BCKDHB: variants seen among roughly 807,000 people sequenced by gnomAD.
BCKDHB encodes the protein branched chain keto acid dehydrogenase E1 subunit beta.
Under a neutral mutation model 48.5 loss-of-function variants are expected in BCKDHB, and 41 were observed. The observed-to-expected ratio is 0.85, with a 90% CI of 0.66 to 1.10. BCKDHB has a LOEUF of 1.10. Among genes scored for constraint, BCKDHB ranks in the 50% least tolerant of loss-of-function variants. The pLI, the probability that BCKDHB is intolerant of heterozygous loss-of-function variation, is 0.00. For missense variants in BCKDHB, 496 were observed against 494.2 expected (o/e 1.00, Z -0.03); for synonymous variants, 201 against 174.8 (o/e 1.15, Z -1.18).
At chr6:80,160,396 G>A (rs896635065) in intron 3 of BCKDHB, among the ~76,000 whole-genome samples, 2 of 152,132 alleles carry the variant, frequency 1.3e-5, no homozygotes, top group African/African-American at 4.8e-5. Flanking sequence ...GGCCTCAAGT[G>A]ATCCGCCCAC....
the BCKDHB span, among the ~76,000 whole-genome samples, chr6:80,390,013 A>G: frequency 6.6e-6 from 1 of 152,134 alleles, no homozygotes; most frequent in East Asian, 1.9e-4. Context: ...AGACACAACA[A>G]TCCCATTAAA....
chr6:80,199,266 G>T (rs1314077421), intron 6 of BCKDHB, among the ~76,000 whole-genome samples: 1 of 152,096 alleles, frequency 6.6e-6, no homozygotes, highest in South Asian at 2.1e-4. Context: ...AGTGAGAGCC[G>T]TCCACAGCAG....
chr6:80,460,293 A>G, the BCKDHB span, among the ~76,000 whole-genome samples: 1 of 152,194 alleles, frequency 6.6e-6, no homozygotes, highest in African/African-American at 2.4e-5. Context: ...ATTGTCCATG[A>G]TATCCTTTAG....
intron 9 of BCKDHB, among the ~76,000 whole-genome samples, chr6:80,292,910 C>T (rs942573265): frequency 1.3e-4 from 20 of 152,302 alleles, no homozygotes; most frequent in Admixed American, 3.3e-4. Context: ...TCTTAAAGCT[C>T]CAAAATGATC....
chr6:80,343,858 C>T lies in BCKDHB; in HGVS notation c.*54C>T, dbSNP rs553995874. 1.1e-5 allele frequency: 18 copies of T among 1,594,992 alleles called. No individual in the cohort carries two copies. The highest frequency in any genetic ancestry group is 7.7e-5 in the South Asian group (7 of 90,656). On this transcript the variant is annotated 3_prime_UTR_variant, in exon 10 of 10. Coordinates refer to ENST00000320393, the MANE Select transcript of BCKDHB (RefSeq NM_183050.4). ...AGCTACTATGTGCCCCTGACATTAACGTACTGTTAACCAAGACACAGCAAT... is the reference window on the plus strand; with the variant it reads ...AGCTACTATGTGCCCCTGACATTAATGTACTGTTAACCAAGACACAGCAAT...
At chr6:80,187,483 T>G (rs138424300) in intron 6 of BCKDHB, among the ~76,000 whole-genome samples, 170 of 152,010 alleles carry the variant, frequency 1.1e-3, no homozygotes, top group Non-Finnish European at 2.0e-3. Context: ...GCAAGTGGGG[T>G]CAGCTGATAT....
the BCKDHB span, among the ~76,000 whole-genome samples, chr6:80,455,690 T>C: frequency 0.11 from 16,459 of 151,822 alleles, 2,720 homozygotes; most frequent in African/African-American, 0.36. Flanking sequence ...CTTCCCTCTC[T>C]GCATGTTTTC....
At chr6:80,221,759 T>G (rs1466936013) in intron 8 of BCKDHB, among the ~76,000 whole-genome samples, 1 of 152,168 alleles carries the variant, frequency 6.6e-6, no homozygotes, top group Non-Finnish European at 1.5e-5. Context: ...TCAACTTCAT[T>G]GTATAGATTT....
the BCKDHB span, among the ~76,000 whole-genome samples, chr6:80,404,831 C>A: frequency 2.0e-4 from 30 of 151,870 alleles, no homozygotes; most frequent in Non-Finnish European, 3.8e-4. Flanking sequence ...TGCTTAATTT[C>A]TACATATTTG....
chr6:80,411,614 C>T, the BCKDHB span, among the ~76,000 whole-genome samples: 3 of 152,376 alleles, frequency 2.0e-5, no homozygotes, highest in Non-Finnish European at 2.9e-5. Flanking sequence ...ATGTGTTGGG[C>T]TCTGCCCAGT....
rs139543048 is a variant in BCKDHB, at chr6:80,254,105, G to A, written c.952-19030G>A. On this transcript the variant is annotated intron_variant, in intron 8 of 9. Coordinates refer to ENST00000320393, the MANE Select transcript of BCKDHB (RefSeq NM_183050.4). ...TCAGGTGTCATCAAGGATGGGCATC[G>A]AATCACTGTTTCCCTTTTCATAATC... Among the ~76,000 whole-genome samples, 360 of 151,834 alleles carry A rather than the reference G, an allele frequency of 2.4e-3. 3 individuals carry two copies. The highest frequency in any genetic ancestry group is 8.1e-3 in the African/African-American group (338 of 41,484).
At chr6:80,232,365 G>A (rs966544860) in intron 8 of BCKDHB, among the ~76,000 whole-genome samples, 19 of 151,734 alleles carry the variant, frequency 1.3e-4, no homozygotes, top group Admixed American at 2.6e-4. Context: ...AACAGAGAGA[G>A]GAAAGTAGGC....
chr6:80,160,191 C>G (rs1203736096), intron 3 of BCKDHB, among the ~76,000 whole-genome samples: 1 of 151,620 alleles, frequency 6.6e-6, no homozygotes, highest in Admixed American at 6.6e-5. Flanking sequence ...TTTTCTCATT[C>G]TGTCTCCCAG....
chr6:80,303,416 A>T (rs1183754149), intron 9 of BCKDHB, among the ~76,000 whole-genome samples: 1 of 152,092 alleles, frequency 6.6e-6, no homozygotes, highest in Non-Finnish European at 1.5e-5. Flanking sequence ...GAGAACATCC[A>T]ACACAGTTTC....
rs555194297 is a variant in BCKDHB, at chr6:80,346,200, T to C, written c.*2396T>C. The C allele has an allele frequency of 6.6e-6, 1 of 152,354 alleles. No individual in the cohort carries two copies. Among genetic ancestry groups the C allele is most frequent in the African/African-American group, 2.4e-5 (1 of 41,590 alleles). The allele number at this position is 152,354 out of a possible 1,614,324, so 9.4% of individuals were successfully genotyped here. A position where few individuals can be genotyped will look rare whatever the true frequency, so the allele number is the denominator to read the frequency against. On this transcript the variant is annotated 3_prime_UTR_variant, in exon 10 of 10. Transcript: ENST00000320393. ...AAAAATATTCCACATGGTAATCTTA[T>C]AAATTCTGTTTAATTACATCTGTAA...
chr6:80,130,327 C>G (rs899325863), intron 3 of BCKDHB, among the ~76,000 whole-genome samples: 3 of 152,140 alleles, frequency 2.0e-5, no homozygotes, highest in Non-Finnish European at 2.9e-5. Flanking sequence ...TGTATTCATA[C>G]GGGGCAAGAG....
intron 7 of BCKDHB, among the ~76,000 whole-genome samples, 159 bp downstream of exon 7, chr6:80,201,190 G>C (rs1774379252): frequency 6.6e-6 from 1 of 152,090 alleles, no homozygotes; most frequent in Non-Finnish European, 1.5e-5. Flanking sequence ...AACTTTATTG[G>C]TGTGTAATTG....
chr6:80,463,374 T>G, the BCKDHB span, among the ~76,000 whole-genome samples: 2 of 152,184 alleles, frequency 1.3e-5, no homozygotes, highest in Non-Finnish European at 2.9e-5. Flanking sequence ...TATTTTTCTT[T>G]GGCAATGAAA....
At chr6:80,432,024 A>G in the BCKDHB span, among the ~76,000 whole-genome samples, 1 of 151,672 alleles carries the variant, frequency 6.6e-6, no homozygotes, top group Non-Finnish European at 1.5e-5. Flanking sequence ...ATTGGCCCCC[A>G]TGCTCTTCTG....
Sources: allele counts gnomAD v4.1 joint callset (sites outside exome capture counted in the v4.1 genomes callset), GRCh38; gene constraint gnomAD v4.1.1; transcripts MANE v1.5; gene names NCBI Gene and HGNC (gene_info 2026-07-23, HGNC 2026-07-21).